IQCJ: variants seen among roughly 807,000 people sequenced by gnomAD.
IQCJ encodes the protein IQ motif containing J, also known as IQ domain-containing protein J.
A neutral mutation model predicts 11.0 loss-of-function variants in IQCJ; 9 were observed. The ratio of observed to expected loss-of-function variants is 0.82; its 90% CI spans 0.49 to 1.43. The LOEUF (loss-of-function observed/expected upper bound fraction) is 1.43, where lower values mean the gene tolerates loss of function less well. IQCJ is among the 40% of genes most tolerant of loss of function. The pLI, the probability that IQCJ is intolerant of heterozygous loss-of-function variation, is 0.00. For synonymous variants in IQCJ, 55 were observed against 51.3 expected, an observed-to-expected ratio of 1.07 and a Z score of -0.31; for missense variants, 146 against 133.2, an observed-to-expected ratio of 1.10 and a Z score of -0.47.
chr3:159,145,193 C>T (rs1720855475), intron 1 of IQCJ, among the ~76,000 whole-genome samples: 1 of 152,108 alleles, frequency 6.6e-6, no homozygotes, highest in Non-Finnish European at 1.5e-5. Flanking sequence ...TGATTTATTT[C>T]AGATTGTTGC....
chr3:159,141,266 G>A (rs17783335), intron 1 of IQCJ, among the ~76,000 whole-genome samples: 44,187 of 152,066 alleles, frequency 0.29, 7,327 homozygotes, highest in Non-Finnish European at 0.39. Context: ...GCATTGTCAG[G>A]CTAGGAAATC....
intron 3 of IQCJ, among the ~76,000 whole-genome samples, chr3:159,259,134 C>T (rs1343347976): frequency 6.6e-6 from 1 of 152,042 alleles, no homozygotes; most frequent in Admixed American, 6.6e-5. Context: ...GCTGTGAGTC[C>T]CCCAAGTGGC....
chr3:159,152,336 A>G (rs1476789584), intron 1 of IQCJ, among the ~76,000 whole-genome samples: 1 of 152,188 alleles, frequency 6.6e-6, no homozygotes, highest in Non-Finnish European at 1.5e-5. Context: ...TTCTGGCTAC[A>G]TAAGGCCATA....
intron 1 of IQCJ, among the ~76,000 whole-genome samples, chr3:159,213,717 A>G (rs1247502952): frequency 6.6e-6 from 1 of 152,252 alleles, no homozygotes; most frequent in Non-Finnish European, 1.5e-5. Flanking sequence ...TTTTAAAGCA[A>G]TGGACCCCAA....
At chr3:159,179,445 G>T (rs1228469038) in intron 1 of IQCJ, among the ~76,000 whole-genome samples, 1 of 152,136 alleles carries the variant, frequency 6.6e-6, no homozygotes, top group African/African-American at 2.4e-5. Flanking sequence ...CTGGTAAAGG[G>T]TTGAAGGACT....
At chr3:159,089,559 A>G (rs919548965) in intron 1 of IQCJ, among the ~76,000 whole-genome samples, 4 of 151,844 alleles carry the variant, frequency 2.6e-5, no homozygotes, top group African/African-American at 9.7e-5. Flanking sequence ...AGGTACACCA[A>G]TCAGATGAAG....
chr3:159,086,013 A>C (rs1361005286), intron 1 of IQCJ, among the ~76,000 whole-genome samples: 1 of 152,084 alleles, frequency 6.6e-6, no homozygotes, highest in Non-Finnish European at 1.5e-5. Context: ...CTGAATGGTA[A>C]TGCCTAGGTT....
intron 1 of IQCJ, among the ~76,000 whole-genome samples, chr3:159,101,985 G>C (rs544026235): frequency 6.6e-6 from 1 of 152,190 alleles, no homozygotes; most frequent in East Asian, 1.9e-4. Context: ...CTGCTTTTCA[G>C]CTTCAGAAAA....
intron 1 of IQCJ, among the ~76,000 whole-genome samples, chr3:159,082,869 T>C (rs1393563821): frequency 6.6e-6 from 1 of 152,116 alleles, no homozygotes; most frequent in Non-Finnish European, 1.5e-5. Context: ...AACCCCTCTG[T>C]GAATAGCAAT....
At chr3:159,207,820 TC>T (rs1401763734) in intron 1 of IQCJ, among the ~76,000 whole-genome samples, 1 of 152,214 alleles carries the variant, frequency 6.6e-6, no homozygotes, top group Non-Finnish European at 1.5e-5. Context: ...GAACTTTATC[TC>T]AAACCTTTGG....
chr3:159,105,258 A>G (rs987171293), intron 1 of IQCJ, among the ~76,000 whole-genome samples: 1 of 152,148 alleles, frequency 6.6e-6, no homozygotes, highest in Non-Finnish European at 1.5e-5. Context: ...CATATTTTAG[A>G]CTCAGAAGCC....
In IQCJ at chr3:159,130,351, G is replaced by A. The variant is rs116008442; in HGVS notation, c.9+60910G>A. Among the ~76,000 whole-genome samples, 213 of 152,254 alleles carry A rather than the reference G, an allele frequency of 1.4e-3. 2 individuals are homozygous for A. Among genetic ancestry groups the A allele is most frequent in the African/African-American group, 5.0e-3 (208 of 41,554 alleles). On this transcript the variant is annotated intron_variant, in intron 1 of 3. Transcript: ENST00000397832. ...AAGTTCCTAGGAATTGAGAGATGTT[G>A]TAGGTAGAGCTTTGACTTTCAAAGA...
intron 1 of IQCJ, among the ~76,000 whole-genome samples, chr3:159,196,680 C>G (rs929336947): frequency 2.6e-5 from 4 of 152,208 alleles, no homozygotes; most frequent in Non-Finnish European, 4.4e-5. Flanking sequence ...GCTCATGTCT[C>G]TTTCTTAGTT....
At chr3:159,186,407 C>T (rs1191055681) in intron 1 of IQCJ, among the ~76,000 whole-genome samples, 1 of 152,080 alleles carries the variant, frequency 6.6e-6, no homozygotes, top group Admixed American at 6.6e-5. Context: ...TTCACATGGC[C>T]CATCTGGTTA....
intron 1 of IQCJ, among the ~76,000 whole-genome samples, chr3:159,070,340 G>T (rs1015365313): frequency 6.6e-6 from 1 of 152,042 alleles, no homozygotes; most frequent in African/African-American, 2.4e-5. Flanking sequence ...GTCTCATTGG[G>T]TGAGATTTAC....
At chr3:159,162,843 G>C (rs1721945980) in intron 1 of IQCJ, among the ~76,000 whole-genome samples, 1 of 152,168 alleles carries the variant, frequency 6.6e-6, no homozygotes, top group Non-Finnish European at 1.5e-5. Flanking sequence ...TAAATTCCTT[G>C]ACAAATACAC....
chr3:159,115,771 T>A (rs540484496), intron 1 of IQCJ, among the ~76,000 whole-genome samples: 46 of 152,170 alleles, frequency 3.0e-4, no homozygotes, highest in East Asian at 3.9e-4. Flanking sequence ...ATGTTTTTTT[T>A]AAAAAATAGC....
At chr3:159,092,819 GTA>G (rs1717428380) in intron 1 of IQCJ, among the ~76,000 whole-genome samples, 1 of 150,528 alleles carries the variant, frequency 6.6e-6, no homozygotes, top group Non-Finnish European at 1.5e-5. Context: ...AGCCAGTATA[GTA>G]TATTGTGTCA....
rs183593173 is a variant in IQCJ, at chr3:159,230,649, G to A, written c.10-15194G>A. Among the ~76,000 whole-genome samples, 225 of 152,240 alleles carry A rather than the reference G, an allele frequency of 1.5e-3. 1 individual carries two copies. The highest frequency in any genetic ancestry group is 3.4e-3 in the Middle Eastern group (1 of 294). The stretch of plus-strand genomic sequence containing the variant: ...GATTTCACCTTCCTCCCTGACAAGC[G>A]ATGAGGAAATATAATAAAGGCCTAT... On this transcript the variant is annotated intron_variant, in intron 1 of 3. Transcript: ENST00000397832.
Sources: gnomAD v4.1 joint callset for allele counts (sites outside exome capture counted in the v4.1 genomes callset) on GRCh38, gnomAD v4.1.1 for gene constraint, MANE v1.5 for transcripts, NCBI Gene and HGNC (gene_info 2026-07-23, HGNC 2026-07-21) for gene names.